EMCN: variants seen among roughly 807,000 people sequenced by gnomAD.
EMCN encodes MUC-14.
Under a neutral mutation model 38.4 loss-of-function variants are expected in EMCN, and 37 were observed. The observed-to-expected ratio is 0.96, with a 90% confidence interval of 0.74 to 1.27. The LOEUF (loss-of-function observed/expected upper bound fraction) is 1.27, where lower values mean the gene tolerates loss of function less well. Ranked by LOEUF, EMCN falls within the 50% of genes most tolerant of loss-of-function variation. EMCN has a pLI of 0.00. For synonymous variants in EMCN, 95 were observed against 100.8 expected, an observed-to-expected ratio of 0.94 and a Z score of 0.35; for missense variants, 318 against 302.8, an observed-to-expected ratio of 1.05 and a Z score of -0.37.
At chr4:100,410,498 T>C in intron 10 of EMCN, 143 bp from the exon 11 acceptor site, 1 of 749,366 alleles carries the variant, frequency 1.3e-6, no homozygotes, top group South Asian at 1.7e-5. Flanking sequence ...TGCCTCTTGG[T>C]ATTGTCTAGA....
chr4:100,396,075 C>T lies in EMCN; in HGVS notation c.*2338G>A, dbSNP rs958662046. The T allele has an allele frequency of 6.6e-6, 1 of 152,066 alleles. No homozygotes were observed. The highest frequency in any genetic ancestry group is 2.4e-5 in the African/African-American group (1 of 41,398). 9.4% of individuals were successfully genotyped at this position (152,066 alleles called of 1,614,324 possible). On this transcript the variant is annotated 3_prime_UTR_variant, in exon 12 of 12. Transcript: ENST00000296420. ...GATCATCTAAATCAGATAATTAAAA[C>T]ATATTTGATTAATGGTAATTTTGGC...
At chr4:100,480,181 G>A in intron 1 of EMCN, 142 bp from the exon 2 acceptor site, 1 of 656,474 alleles carries the variant, frequency 1.5e-6, no homozygotes. Context: ...CCTTAGCTCA[G>A]CATTTATTCA....
At chr4:100,416,885 C>G (rs1013351045) in intron 9 of EMCN, among the ~76,000 whole-genome samples, 1 of 152,070 alleles carries the variant, frequency 6.6e-6, no homozygotes, top group Admixed American at 6.6e-5. Context: ...TATATTCATT[C>G]TTCTACTTTT....
chr4:100,435,864 T>C (rs561195948), intron 5 of EMCN, among the ~76,000 whole-genome samples: 5 of 152,066 alleles, frequency 3.3e-5, no homozygotes, highest in Non-Finnish European at 7.4e-5. Flanking sequence ...TTATACCTTA[T>C]ACAAAAATTA....
intron 1 of EMCN, among the ~76,000 whole-genome samples, chr4:100,490,810 A>T (rs368335735): frequency 6.6e-6 from 1 of 152,162 alleles, no homozygotes; most frequent in Non-Finnish European, 1.5e-5. Flanking sequence ...TTTTCTCTAC[A>T]TCCTATCTAA....
chr4:100,463,214 ACATTTTAATTTTG>A (rs1479249799), intron 4 of EMCN, among the ~76,000 whole-genome samples: 1 of 152,076 alleles, frequency 6.6e-6, no homozygotes. Flanking sequence ...CCTCGCACAA[ACATTTTAATTTTG>A]CTCACAGGGT....
At chr4:100,435,009 T>C (rs941672962) in intron 5 of EMCN, among the ~76,000 whole-genome samples, 1 of 152,154 alleles carries the variant, frequency 6.6e-6, no homozygotes, top group Non-Finnish European at 1.5e-5. Context: ...CAACATAGTA[T>C]TGGAAGTTCT....
intron 1 of EMCN, among the ~76,000 whole-genome samples, chr4:100,500,105 A>G (rs1729309106): frequency 6.6e-6 from 1 of 152,162 alleles, no homozygotes; most frequent in African/African-American, 2.4e-5. Context: ...TATTTGTAAA[A>G]AAAAGAGTTT....
intron 7 of EMCN, among the ~76,000 whole-genome samples, chr4:100,421,678 G>A (rs1041124887): frequency 9.2e-5 from 14 of 151,902 alleles, no homozygotes; most frequent in Non-Finnish European, 1.8e-4. Context: ...AGCAGAAGAT[G>A]TACTCTAGAT....
chr4:100,424,308 G>T (rs357650), intron 5 of EMCN, among the ~76,000 whole-genome samples: 45,640 of 151,912 alleles, frequency 0.3, 8,634 homozygotes, highest in Non-Finnish European at 0.43. Context: ...ATGCCTGTTT[G>T]CCTTGCCTCT....
At chr4:100,440,075 A>G (rs1439070178) in intron 5 of EMCN, among the ~76,000 whole-genome samples, 1 of 150,520 alleles carries the variant, frequency 6.6e-6, no homozygotes, top group African/African-American at 2.4e-5. Context: ...TTCCATGTGA[A>G]CTAAAGAAAA....
In EMCN at chr4:100,500,380, G is replaced by A. The variant is rs1310555333; in HGVS notation, c.64+17471C>T. 1.3e-5 allele frequency among the ~76,000 whole-genome samples: 2 copies of A among 151,986 alleles called. 1 individual carries two copies. Among genetic ancestry groups the A allele is most frequent in the Non-Finnish European group, 2.9e-5 (2 of 67,934 alleles). Reference sequence around the variant, plus strand: ...TATAAAAGCTAACAGACCAAAACATGACAAAATATAAATGTAAACATAATG... The same window carrying A: ...TATAAAAGCTAACAGACCAAAACATAACAAAATATAAATGTAAACATAATG... On this transcript the variant is annotated intron_variant, in intron 1 of 11. Coordinates refer to ENST00000296420, the MANE Select transcript of EMCN (RefSeq NM_016242.4).
At position 100,423,005 on chromosome 4, in the gene EMCN, C is replaced by T; in HGVS notation, c.568+16G>A. The T allele has an allele frequency of 6.2e-7, 1 of 1,611,794 alleles. No individual in the cohort carries two copies. Among genetic ancestry groups the T allele is most frequent in the Non-Finnish European group, 8.5e-7 (1 of 1,178,338 alleles). ...GCATATCTACTGCCATGAATGAAGG[C>T]ATTGCTGTTACTCACTGGAATAAGA... On this transcript the variant is annotated intron_variant, in intron 7 of 11. Coordinates refer to ENST00000296420, the MANE Select transcript of EMCN (RefSeq NM_016242.4).
intron 5 of EMCN, among the ~76,000 whole-genome samples, chr4:100,439,133 G>T (rs1255655863): frequency 6.6e-6 from 1 of 152,034 alleles, no homozygotes; most frequent in South Asian, 2.1e-4. Flanking sequence ...ATAAAATGTG[G>T]TTGGAACTAT....
intron 1 of EMCN, among the ~76,000 whole-genome samples, chr4:100,480,706 T>G (rs1481807666): frequency 6.6e-6 from 1 of 151,866 alleles, no homozygotes; most frequent in Non-Finnish European, 1.5e-5. Flanking sequence ...AATTGTTTAT[T>G]TCTCTAAATT....
chr4:100,409,828 C>T (rs1020270833), intron 11 of EMCN, among the ~76,000 whole-genome samples: 3 of 152,210 alleles, frequency 2.0e-5, no homozygotes, highest in African/African-American at 7.2e-5. Context: ...CCTGAGCCAG[C>T]CTACGGCTGT....
chr4:100,431,212 AAC>A (rs147509654), intron 5 of EMCN, among the ~76,000 whole-genome samples: 8,821 of 152,186 alleles, frequency 0.058, 359 homozygotes, highest in Non-Finnish European at 0.089. Context: ...GAGACTCTGA[AAC>A]ACAGTTAAGG....
chr4:100,429,416 A>G (rs1425825084), intron 5 of EMCN, among the ~76,000 whole-genome samples: 1 of 152,080 alleles, frequency 6.6e-6, no homozygotes, highest in Non-Finnish European at 1.5e-5. Context: ...TTCACACACA[A>G]TGGTGCCTCC....
intron 9 of EMCN, among the ~76,000 whole-genome samples, chr4:100,416,247 G>A (rs1432537338): frequency 6.6e-6 from 1 of 152,100 alleles, no homozygotes; most frequent in African/African-American, 2.4e-5. Flanking sequence ...AGTGGTGATT[G>A]TCAGATAAAT....
Sources: gnomAD v4.1 joint callset for allele counts (sites outside exome capture counted in the v4.1 genomes callset) on GRCh38, gnomAD v4.1.1 for gene constraint, MANE v1.5 for transcripts, NCBI Gene and HGNC (gene_info 2026-07-23, HGNC 2026-07-21) for gene names.